The following MGAT5 variants were observed in gnomAD, a reference collection of about 807,000 sequenced individuals.
MGAT5 encodes alpha-1,6-mannosylglycoprotein 6-beta-N-acetylglucosaminyltransferase, also known as alpha-1,6-mannosylglycoprotein 6-beta-N-acetylglucosaminyltransferase A.
In MGAT5, 30 loss-of-function variants were observed where a neutral mutation model predicts 94.3. That is an observed-to-expected ratio of 0.32 (90% CI 0.24 to 0.43). The LOEUF (loss-of-function observed/expected upper bound fraction) is 0.43. MGAT5 is among the 20% of genes least tolerant of loss of function. The pLI is 1.00. For synonymous variants in MGAT5, 310 were observed against 322.9 expected (o/e 0.96, Z 0.43); for missense variants, 691 against 905.5 (o/e 0.76, Z 3.04).
intron 2 of MGAT5, among the ~76,000 whole-genome samples, chr2:134,312,329 T>C (rs1686726415): frequency 1.3e-5 from 2 of 152,284 alleles, no homozygotes; most frequent in African/African-American, 4.8e-5. Flanking sequence ...GTAATTCACA[T>C]GGGGGCTAGG....
At chr2:134,243,877 GC>G (rs1682097390) in intron 1 of MGAT5, among the ~76,000 whole-genome samples, 1 of 152,174 alleles carries the variant, frequency 6.6e-6, no homozygotes, top group Non-Finnish European at 1.5e-5. Context: ...GGGTAATTGG[GC>G]TGGAGGGCTT....
chr2:134,270,330 C>T, intron 1 of MGAT5, 56 bp from the exon 2 acceptor site: 1 of 1,523,130 alleles, frequency 6.6e-7, no homozygotes, highest in Non-Finnish European at 9.0e-7. Context: ...GAGAGCAAGC[C>T]AGACAGATAT....
intron 1 of MGAT5, among the ~76,000 whole-genome samples, chr2:134,200,855 C>T (rs1221647507): frequency 1.3e-5 from 2 of 152,004 alleles, no homozygotes; most frequent in Non-Finnish European, 2.9e-5. Context: ...TCCGTCTCTA[C>T]AAAAATAAAA....
At chr2:134,332,970 CTT>C (rs1688075790) in intron 4 of MGAT5, among the ~76,000 whole-genome samples, 1 of 152,252 alleles carries the variant, frequency 6.6e-6, no homozygotes, top group African/African-American at 2.4e-5. Flanking sequence ...AATAGGAACA[CTT>C]TTACACTGTT....
At chr2:134,432,685 T>A (rs1420360003) in intron 14 of MGAT5, among the ~76,000 whole-genome samples, 1 of 152,256 alleles carries the variant, frequency 6.6e-6, no homozygotes, top group Non-Finnish European at 1.5e-5. Context: ...TGGGTTCACA[T>A]CTTAGCTCTG....
intron 1 of MGAT5, among the ~76,000 whole-genome samples, chr2:134,170,483 C>G (rs1688152570): frequency 6.6e-6 from 1 of 152,218 alleles, no homozygotes; most frequent in South Asian, 2.1e-4. Context: ...TCTGTTACTG[C>G]TCAGGGCTTG....
chr2:134,448,443 T>G (rs1436212786), intron 15 of MGAT5, among the ~76,000 whole-genome samples: 1 of 152,170 alleles, frequency 6.6e-6, no homozygotes, highest in Non-Finnish European at 1.5e-5. Context: ...CTGCACACAC[T>G]CCCTGGTGCA....
chr2:134,209,152 A>ATTT (rs869116395), intron 1 of MGAT5, among the ~76,000 whole-genome samples: 1 of 20,780 alleles, frequency 4.8e-5, no homozygotes, highest in Non-Finnish European at 6.4e-5. Flanking sequence ...TTTTTTTTTT[A>ATTT]TTTTTTTTTT....
At chr2:134,256,743 C>T (rs1014734143) in intron 1 of MGAT5, among the ~76,000 whole-genome samples, 2 of 152,204 alleles carry the variant, frequency 1.3e-5, no homozygotes, top group African/African-American at 2.4e-5. Context: ...TTCCAACTTA[C>T]TTTCGTAGAT....
intron 10 of MGAT5, among the ~76,000 whole-genome samples, chr2:134,393,993 G>A (rs1296883002): frequency 6.6e-6 from 1 of 152,124 alleles, no homozygotes; most frequent in Admixed American, 6.5e-5. Context: ...CTGGCAGGAA[G>A]GTAAGGCCCT....
chr2:134,218,585 G>A (rs114339051), intron 1 of MGAT5, among the ~76,000 whole-genome samples: 5 of 152,108 alleles, frequency 3.3e-5, no homozygotes, highest in African/African-American at 7.2e-5. Context: ...ATGGTCTGCC[G>A]TCCTGTGGCA....
intron 1 of MGAT5, among the ~76,000 whole-genome samples, chr2:134,124,080 C>T (rs1216893410): frequency 6.6e-6 from 1 of 152,176 alleles, no homozygotes. Context: ...GAGCATTTTT[C>T]CAGCATCTGC....
rs13385394 is a variant in MGAT5, at chr2:134,177,407, C to G, written c.-143+57116C>G. 9.0e-3 allele frequency among the ~76,000 whole-genome samples: 1,373 copies of G among 152,158 alleles called. 18 individuals carry two copies. The highest frequency in any genetic ancestry group is 0.03 in the African/African-American group (1,257 of 41,484). The stretch of plus-strand genomic sequence containing the variant: ...GAGCCAGCATGGAGGTTTTTAGGGC[C>G]GGGTCTGGCTGTGGTTAGCGTCACT... On this transcript the variant is annotated intron_variant, in intron 1 of 16. Transcript: ENST00000409645.
At chr2:134,383,468 A>G (rs1003624951) in intron 10 of MGAT5, among the ~76,000 whole-genome samples, 9 of 152,214 alleles carry the variant, frequency 5.9e-5, no homozygotes, top group African/African-American at 2.2e-4. Flanking sequence ...TTAGTCAAGT[A>G]CTTTATTACT....
chr2:134,367,079 T>C (rs185403239), intron 10 of MGAT5, among the ~76,000 whole-genome samples: 1 of 152,284 alleles, frequency 6.6e-6, no homozygotes, highest in Non-Finnish European at 1.5e-5. Context: ...CTGTCCTGGT[T>C]TATACATTCA....
intron 1 of MGAT5, among the ~76,000 whole-genome samples, chr2:134,182,603 G>A (rs192847963): frequency 4.5e-4 from 69 of 152,186 alleles, no homozygotes; most frequent in African/African-American, 1.6e-3. Flanking sequence ...TACCTAGGTG[G>A]AGAAACAAAA....
At chr2:134,235,394 T>C (rs1681585212) in intron 1 of MGAT5, among the ~76,000 whole-genome samples, 1 of 152,124 alleles carries the variant, frequency 6.6e-6, no homozygotes, top group East Asian at 1.9e-4. Flanking sequence ...AGGGCTACCA[T>C]TTGTATTTAA....
intron 4 of MGAT5, among the ~76,000 whole-genome samples, chr2:134,326,719 C>G (rs887934671): frequency 1.2e-4 from 19 of 152,060 alleles, no homozygotes; most frequent in Non-Finnish European, 2.6e-4. Flanking sequence ...GATGTATCAT[C>G]TAGATTGTAG....
intron 2 of MGAT5, among the ~76,000 whole-genome samples, chr2:134,315,393 C>G (rs745613723): frequency 6.6e-6 from 1 of 152,150 alleles, no homozygotes; most frequent in African/African-American, 2.4e-5. Flanking sequence ...TAAGCATTGA[C>G]AAGCAAAATC....
Sources: allele counts gnomAD v4.1 joint callset (sites outside exome capture counted in the v4.1 genomes callset), GRCh38; gene constraint gnomAD v4.1.1; transcripts MANE v1.5; gene names NCBI Gene and HGNC (gene_info 2026-07-23, HGNC 2026-07-21).